PRKCB: variants seen among roughly 807,000 people sequenced by gnomAD.
PRKCB encodes the protein protein kinase C beta, also known as protein kinase C beta type.
A neutral mutation model predicts 81.5 loss-of-function variants in PRKCB; 13 were observed. The ratio of observed to expected loss-of-function variants is 0.16; its 90% confidence interval spans 0.10 to 0.25. The LOEUF is 0.25. PRKCB is among the 10% of genes least tolerant of loss of function. The pLI, the probability that PRKCB is intolerant of heterozygous loss-of-function variation, is 1.00. For synonymous variants in PRKCB, 335 were observed against 321.4 expected, an observed-to-expected ratio of 1.04 and a Z score of -0.45; for missense variants, 509 against 875.7, an observed-to-expected ratio of 0.58 and a Z score of 5.29.
intron 2 of PRKCB, among the ~76,000 whole-genome samples, chr16:23,951,299 C>A (rs1458100128): frequency 6.6e-6 from 1 of 152,186 alleles, no homozygotes; most frequent in African/African-American, 2.4e-5. Context: ...TTTTGCCAAT[C>A]TAATGGATAA....
intron 3 of PRKCB, among the ~76,000 whole-genome samples, chr16:24,020,824 T>C (rs1466910434): frequency 6.6e-6 from 1 of 152,214 alleles, no homozygotes; most frequent in Non-Finnish European, 1.5e-5. Context: ...TTGCTTTTCC[T>C]TTCTCCTCTA....
chr16:23,915,302 A>G (rs1056769454), intron 2 of PRKCB, among the ~76,000 whole-genome samples: 4 of 152,084 alleles, frequency 2.6e-5, no homozygotes, highest in Non-Finnish European at 4.4e-5. Flanking sequence ...GGCGGCCCCT[A>G]TGCTGTCCCT....
intron 2 of PRKCB, among the ~76,000 whole-genome samples, chr16:23,975,548 T>C (rs1262330900): frequency 1.3e-5 from 2 of 152,142 alleles, no homozygotes; most frequent in Non-Finnish European, 2.9e-5. Flanking sequence ...ACCTCATAGT[T>C]CCTGGCTGAC....
chr16:24,108,759 C>T (rs879520558), intron 7 of PRKCB, among the ~76,000 whole-genome samples: 475 of 151,008 alleles, frequency 3.1e-3, no homozygotes, highest in Non-Finnish European at 5.7e-3. Context: ...CTTCTTTCTA[C>T]ACAGACACGG....
At chr16:23,882,383 T>TG (rs1963138391) in intron 2 of PRKCB, among the ~76,000 whole-genome samples, 1 of 151,400 alleles carries the variant, frequency 6.6e-6, no homozygotes, top group Admixed American at 6.6e-5. Flanking sequence ...CATGCCCAGT[T>TG]AATTTTTTTT....
At chr16:23,838,396 G>T (rs900966840) in intron 2 of PRKCB, among the ~76,000 whole-genome samples, 3 of 152,170 alleles carry the variant, frequency 2.0e-5, no homozygotes, top group East Asian at 1.9e-4. Flanking sequence ...CCCATTTCTG[G>T]CCCCTGTGGG....
chr16:23,873,202 A>AAAAAAAAG (rs1567297442), intron 2 of PRKCB, among the ~76,000 whole-genome samples: 15 of 83,386 alleles, frequency 1.8e-4, no homozygotes, highest in Admixed American at 4.4e-4. Flanking sequence ...AAAAAAAAAA[A>AAAAAAAAG]AAAAAAAGAA....
At chr16:24,105,542 C>A (rs969976164) in intron 7 of PRKCB, among the ~76,000 whole-genome samples, 1 of 152,118 alleles carries the variant, frequency 6.6e-6, no homozygotes, top group African/African-American at 2.4e-5. Flanking sequence ...TGCCCCTCAC[C>A]CCCTAACAGG....
At chr16:23,967,592 C>T (rs761901279) in intron 2 of PRKCB, among the ~76,000 whole-genome samples, 1 of 152,110 alleles carries the variant, frequency 6.6e-6, no homozygotes, top group African/African-American at 2.4e-5. Context: ...GGTGAAATTC[C>T]TTGGAAATTT....
intron 7 of PRKCB, 144 bp downstream of exon 7, chr16:24,094,441 A>G (rs2141901801): frequency 8.5e-7 from 1 of 1,180,604 alleles, no homozygotes; most frequent in South Asian, 1.6e-5. Context: ...TGCCTTGCAG[A>G]TATGTTTTGT....
intron 5 of PRKCB, among the ~76,000 whole-genome samples, chr16:24,091,034 T>C (rs1966369911): frequency 6.6e-6 from 1 of 152,104 alleles, no homozygotes; most frequent in South Asian, 2.1e-4. Context: ...AATAGGTGCA[T>C]CTTGGTTTAG....
intron 3 of PRKCB, among the ~76,000 whole-genome samples, chr16:24,025,458 G>A (rs949204394): frequency 1.3e-5 from 2 of 152,166 alleles, no homozygotes; most frequent in Admixed American, 6.5e-5. Flanking sequence ...TTCCATAAAT[G>A]TTAACTCTCA....
intron 2 of PRKCB, among the ~76,000 whole-genome samples, chr16:23,979,442 T>G (rs1161492512): frequency 1.3e-5 from 2 of 152,200 alleles, no homozygotes; most frequent in African/African-American, 2.4e-5. Context: ...CCTTTGTGTT[T>G]ATGGAAACTT....
intron 16 of PRKCB, among the ~76,000 whole-genome samples, chr16:24,200,239 T>G (rs150506493): frequency 1.5e-3 from 226 of 152,288 alleles, no homozygotes; most frequent in African/African-American, 5.2e-3. Flanking sequence ...CATTTCTGGT[T>G]GTTCTTTTGG....
At chr16:23,915,412 C>T (rs1340976593) in intron 2 of PRKCB, among the ~76,000 whole-genome samples, 4 of 152,060 alleles carry the variant, frequency 2.6e-5, no homozygotes, top group African/African-American at 9.7e-5. Flanking sequence ...AGGCTGGGAG[C>T]TGTAGTTCAC....
chr16:23,954,494 G>A (rs1964324780), intron 2 of PRKCB, among the ~76,000 whole-genome samples: 1 of 152,222 alleles, frequency 6.6e-6, no homozygotes, highest in Admixed American at 6.5e-5. Context: ...CATCCATTGG[G>A]AATGAGCTTA....
At chr16:23,879,320 G>A (rs906700301) in intron 2 of PRKCB, among the ~76,000 whole-genome samples, 2 of 152,016 alleles carry the variant, frequency 1.3e-5, no homozygotes, top group Admixed American at 6.6e-5. Context: ...GTGGGAAAGT[G>A]GTTTTCTTTA....
intron 2 of PRKCB, among the ~76,000 whole-genome samples, chr16:23,929,355 G>C (rs535369416): frequency 1.1e-4 from 16 of 152,106 alleles, no homozygotes; most frequent in South Asian, 1.0e-3. Flanking sequence ...CTAAACGCAT[G>C]AACTCTTGAA....
chr16:24,122,561 GCAGTCCTC>G (rs982840094), intron 8 of PRKCB, among the ~76,000 whole-genome samples: 31 of 149,612 alleles, frequency 2.1e-4, no homozygotes, highest in African/African-American at 7.7e-4. Context: ...CTGGGCTAAA[GCAGTCCTC>G]CCACCTTGGC....
Sources: allele counts gnomAD v4.1 joint callset (sites outside exome capture counted in the v4.1 genomes callset), GRCh38; gene constraint gnomAD v4.1.1; transcripts MANE v1.5; gene names NCBI Gene and HGNC (gene_info 2026-07-23, HGNC 2026-07-21).